GDAP1L1: variants seen among roughly 807,000 people sequenced by gnomAD.
GDAP1L1 encodes ganglioside-induced differentiation-associated protein 1-like 1.
GDAP1L1 carries 21 observed loss-of-function variants against 37.1 expected under a neutral mutation model. That is an observed-to-expected ratio of 0.57 (90% CI 0.40 to 0.81). The LOEUF (loss-of-function observed/expected upper bound fraction) is 0.81, where lower values mean the gene tolerates loss of function less well. GDAP1L1 is among the 40% of genes least tolerant of loss of function. The probability of loss-of-function intolerance (pLI) is 0.00; values close to 1 mark genes in which losing one functional copy is unlikely to be tolerated. For synonymous variants in GDAP1L1, 193 were observed against 209.1 expected (o/e 0.92, Z 0.67); for missense variants, 362 against 491.6 (o/e 0.74, Z 2.49).
chr20:44,248,476 G>C (rs1375292834), intron 1 of GDAP1L1, among the ~76,000 whole-genome samples: 1 of 152,246 alleles, frequency 6.6e-6, no homozygotes, highest in Non-Finnish European at 1.5e-5. Flanking sequence ...TGGAAAAACA[G>C]AATCCATGAA....
intron 1 of GDAP1L1, among the ~76,000 whole-genome samples, chr20:44,248,002 TG>T (rs931248731): frequency 6.6e-6 from 1 of 152,168 alleles, no homozygotes. Context: ...TCTGCCCCTC[TG>T]TCTGCGGGCC....
At chr20:44,253,588 C>T (rs554133109) in intron 1 of GDAP1L1, among the ~76,000 whole-genome samples, 168 of 152,300 alleles carry the variant, frequency 1.1e-3, no homozygotes, top group Non-Finnish European at 2.0e-3. Context: ...TTTTCAGGCA[C>T]CAACAGGGAA....
At chr20:44,276,518 C>T (rs2062584197) in intron 5 of GDAP1L1, among the ~76,000 whole-genome samples, 1 of 151,694 alleles carries the variant, frequency 6.6e-6, no homozygotes. Context: ...AAGAAAGAAG[C>T]CAGTCTTGGG....
At chr20:44,254,183 T>C (rs770346658) in intron 1 of GDAP1L1, among the ~76,000 whole-genome samples, 1 of 152,198 alleles carries the variant, frequency 6.6e-6, no homozygotes, top group African/African-American at 2.4e-5. Flanking sequence ...CTCCCACGCA[T>C]GCACACTCAC....
At chr20:44,264,671 T>C (rs574038842) in intron 5 of GDAP1L1, 112 bp downstream of exon 5, 1 of 1,508,732 alleles carries the variant, frequency 6.6e-7, no homozygotes, top group Non-Finnish European at 8.9e-7. Flanking sequence ...TCCCAGGTGG[T>C]TAAGAGGATG....
At chr20:44,258,730 C>T in intron 3 of GDAP1L1, 123 bp downstream of exon 3, 1 of 701,244 alleles carries the variant, frequency 1.4e-6, no homozygotes, top group Non-Finnish European at 2.4e-6. Context: ...CCTTCTCTCC[C>T]TCTTGCATTC....
In GDAP1L1 at chr20:44,251,222, G is replaced by A. The variant is rs371344607; in HGVS notation, c.180+3708G>A. On this transcript the variant is annotated intron_variant, in intron 1 of 5. Transcript: ENST00000342560. ...ATGTAAAGCTCTACAATAGTGCCTGGCACAGAGGAGGTGATAATAAGAGTT... is the reference window on the plus strand; with the variant it reads ...ATGTAAAGCTCTACAATAGTGCCTGACACAGAGGAGGTGATAATAAGAGTT... Among the ~76,000 whole-genome samples the A allele has an allele frequency of 1.2e-4, 18 of 152,336 alleles. No homozygotes were observed. The South Asian group carries it at 3.7e-3, about 32-fold the overall frequency.
intron 3 of GDAP1L1, among the ~76,000 whole-genome samples, chr20:44,261,694 T>A: frequency 6.6e-6 from 1 of 152,202 alleles, no homozygotes. Flanking sequence ...TCTTTTCATA[T>A]AGACAGCAAG....
At chr20:44,247,611 G>T in intron 1 of GDAP1L1, 97 bp downstream of exon 1, 1 of 1,190,748 alleles carries the variant, frequency 8.4e-7, no homozygotes, top group African/African-American at 1.6e-5. Context: ...AAAGACTGGA[G>T]GGGGGAACCT....
In GDAP1L1 at chr20:44,264,502, G is replaced by A; in HGVS notation, c.703G>A (p.Ala235Thr). 1 of 1,573,814 alleles carries A rather than the reference G, an allele frequency of 6.4e-7. No individual in the cohort carries two copies. The highest frequency in any genetic ancestry group is 1.2e-5 in the South Asian group (1 of 85,706). ...CCTGAAGAAGATCCTCGGGGAACTG[G>A]CCATGGTGCTGGACCAGATTGAGGC... ...SYLKKILGEL[A>T]MVLDQIEAEL... Residue 235 changes from alanine (A) to threonine (T), a missense_variant, in exon 5 of 6, where the codon GCC (alanine) becomes ACC (threonine). Physicochemically the swap from Ala to Thr is moderately conservative, Grantham distance 58. This residue lies in a region of GDAP1L1 where 277 missense variants were observed against 337.1 expected (regional missense o/e 0.82). Coordinates refer to ENST00000342560, the MANE Select transcript of GDAP1L1 (RefSeq NM_024034.6).
chr20:44,255,960 C>A (rs1217393576), intron 1 of GDAP1L1, among the ~76,000 whole-genome samples: 1 of 152,164 alleles, frequency 6.6e-6, no homozygotes, highest in Admixed American at 6.5e-5. Flanking sequence ...CAGGAGCATG[C>A]CCCAGCCTCA....
intron 5 of GDAP1L1, among the ~76,000 whole-genome samples, chr20:44,276,428 G>GAAAGAAAGA (rs2062578564): frequency 7.2e-6 from 1 of 138,488 alleles, no homozygotes; most frequent in Admixed American, 8.0e-5. Flanking sequence ...AAGAAAGAAA[G>GAAAGAAAGA]AAAGAAAGAA....
intron 5 of GDAP1L1, among the ~76,000 whole-genome samples, chr20:44,272,551 G>C (rs1398790234): frequency 6.6e-6 from 1 of 152,210 alleles, no homozygotes; most frequent in Non-Finnish European, 1.5e-5. Context: ...AGTGTAACCA[G>C]TTGGCCTCAT....
At chr20:44,277,797 C>T (rs558333473) in intron 5 of GDAP1L1, among the ~76,000 whole-genome samples, 2 of 152,152 alleles carry the variant, frequency 1.3e-5, no homozygotes, top group South Asian at 2.1e-4. Context: ...GGAAGATATC[C>T]AAAGTTATCT....
In GDAP1L1 at chr20:44,263,308, C is replaced by A. The variant is rs759075345; in HGVS notation, c.626C>A (p.Ser209Tyr). 19 of 1,613,806 alleles carry A rather than the reference C, an allele frequency of 1.2e-5. No individual in the cohort carries two copies. The highest frequency in any genetic ancestry group is 1.4e-5 in the Non-Finnish European group (17 of 1,179,824). The change falls in exon 4 of 6, where the codon TCT (serine) becomes TAT (tyrosine). Residue 209 changes from serine to tyrosine, a missense_variant. This residue lies in a region of GDAP1L1 where 277 missense variants were observed against 337.1 expected (regional missense o/e 0.82). Transcript: ENST00000342560. ...CCCCAGCTCTCCGAGCCCTACCTTT[C>A]TAAACAAAAGAAGCTCATGGTGAGT... ...EEPQLSEPYL[S>Y]KQKKLMAKIL...
intron 5 of GDAP1L1, among the ~76,000 whole-genome samples, chr20:44,270,785 G>A (rs992010097): frequency 2.0e-5 from 3 of 152,214 alleles, no homozygotes; most frequent in African/African-American, 2.4e-5. Flanking sequence ...CTTTCCCTGA[G>A]CAAGTTATTC....
Position 44,279,779 on chromosome 20 carries a change from G to A in GDAP1L1, c.*479G>A. 2.1e-6 allele frequency: 1 copy of A among 471,766 alleles called. No homozygotes were observed. 29.2% of individuals were successfully genotyped at this position (471,766 alleles called of 1,614,324 possible). On this transcript the variant is annotated 3_prime_UTR_variant, in exon 6 of 6. Transcript: ENST00000342560. Reference sequence around the variant, plus strand: ...CTCAACTCCTCTAACCGGTACCTCTGAATGGGGCTGGATAACCGGAGACCC... The same window carrying A: ...CTCAACTCCTCTAACCGGTACCTCTAAATGGGGCTGGATAACCGGAGACCC...
chr20:44,258,418 C>T lies in GDAP1L1; in HGVS notation c.374-16C>T, dbSNP rs1432500229. On this transcript the variant is annotated splice_polypyrimidine_tract_variant and intron_variant, in intron 2 of 5. Transcript: ENST00000342560. ...CCCCTCTGGCTTCCCTGCCCAGCCC[C>T]TGGCGGTGCCCACAGAGCACGTGGT... 1 of 1,547,236 alleles carries T rather than the reference C, an allele frequency of 6.5e-7. No homozygotes were observed.
chr20:44,251,966 T>C (rs2073452878), intron 1 of GDAP1L1, among the ~76,000 whole-genome samples: 1 of 152,216 alleles, frequency 6.6e-6, no homozygotes, highest in South Asian at 2.1e-4. Flanking sequence ...GGAGTCGTGA[T>C]GAGTGCGCAT....
Sources: gnomAD v4.1 joint callset for allele counts (sites outside exome capture counted in the v4.1 genomes callset) on GRCh38, gnomAD v4.1.1 for gene constraint, gnomAD v4.1.1 regional missense constraint, MANE v1.5 for transcripts, NCBI Gene and HGNC (gene_info 2026-07-23, HGNC 2026-07-21) for gene names.